Variants in PRKG2 observed in about 807,000 individuals in gnomAD.
PRKG2 encodes the protein cGMP-dependent protein kinase 2.
A neutral mutation model predicts 97.2 loss-of-function variants in PRKG2; 33 were observed. That is an observed-to-expected ratio of 0.34 (90% CI 0.26 to 0.45). The LOEUF (loss-of-function observed/expected upper bound fraction) is 0.45. Ranked by LOEUF, PRKG2 falls within the 20% of genes least tolerant of loss-of-function variation. The pLI is 1.00. For missense variants in PRKG2, 638 were observed against 900.0 expected (o/e 0.71, Z 3.73); for synonymous variants, 330 against 321.8 (o/e 1.03, Z -0.27).
At chr4:81,145,443 C>T (rs552355827) in intron 9 of PRKG2, among the ~76,000 whole-genome samples, 1 of 152,162 alleles carries the variant, frequency 6.6e-6, no homozygotes, top group East Asian at 1.9e-4. Flanking sequence ...ATTTCACATT[C>T]CTTCATAATT....
At chr4:81,192,749 C>T (rs929128255) in intron 2 of PRKG2, among the ~76,000 whole-genome samples, 1 of 151,708 alleles carries the variant, frequency 6.6e-6, no homozygotes, top group Admixed American at 6.6e-5. Context: ...GTTATGAAAA[C>T]CATAGAACAA....
intron 2 of PRKG2, among the ~76,000 whole-genome samples, chr4:81,201,041 G>A (rs78444967): frequency 0.013 from 1,921 of 152,242 alleles, 43 homozygotes; most frequent in African/African-American, 0.044. Context: ...TTTCTGTGGC[G>A]TTGTCCTAAA....
chr4:81,149,199 G>A (rs908846801), intron 8 of PRKG2, among the ~76,000 whole-genome samples: 2 of 152,126 alleles, frequency 1.3e-5, no homozygotes, highest in African/African-American at 4.8e-5. Context: ...AGAAGAATAA[G>A]TGACTACAAA....
chr4:81,160,380 G>A (rs980010392), intron 6 of PRKG2, among the ~76,000 whole-genome samples: 6 of 152,102 alleles, frequency 3.9e-5, no homozygotes, highest in African/African-American at 2.4e-5. Context: ...CTGGAATACT[G>A]AATTTCAGGC....
At chr4:81,212,212 A>G (rs1472997163) in intron 1 of PRKG2, among the ~76,000 whole-genome samples, 2 of 152,134 alleles carry the variant, frequency 1.3e-5, no homozygotes, top group African/African-American at 2.4e-5. Context: ...CTTTCTCTTG[A>G]CAGGAAATCA....
intron 7 of PRKG2, among the ~76,000 whole-genome samples, chr4:81,152,655 C>T (rs1748530051): frequency 6.6e-6 from 1 of 152,144 alleles, no homozygotes; most frequent in Admixed American, 6.5e-5. Context: ...TATTCCAATT[C>T]AACATGGTAA....
Position 81,152,073 on chromosome 4 carries a change from T to C in PRKG2, c.991-19A>G. The C allele has an allele frequency of 6.4e-7, 1 of 1,565,344 alleles. No individual in the cohort carries two copies. Among genetic ancestry groups the C allele is most frequent in the Non-Finnish European group, 8.8e-7 (1 of 1,141,558 alleles). On this transcript the variant is annotated intron_variant, in intron 7 of 18. Transcript: ENST00000264399. ...CTTTTACCTAAACAATGTTAAGCAA[T>C]ACAAACAGAAAGAGACTGAAGAAAA...
intron 1 of PRKG2, among the ~76,000 whole-genome samples, chr4:81,206,407 G>A (rs1753654478): frequency 6.6e-6 from 1 of 152,162 alleles, no homozygotes; most frequent in Admixed American, 6.5e-5. Flanking sequence ...TAGGTCTCAT[G>A]AGATCTGATG....
chr4:81,174,479 G>A (rs943529203), intron 3 of PRKG2, among the ~76,000 whole-genome samples: 7 of 151,944 alleles, frequency 4.6e-5, no homozygotes, highest in Middle Eastern at 6.3e-3. Context: ...CCCTCTCTGA[G>A]ACATAGTCCA....
At chr4:81,130,659 C>T (rs1048410599) in intron 14 of PRKG2, among the ~76,000 whole-genome samples, 8 of 152,186 alleles carry the variant, frequency 5.3e-5, no homozygotes, top group African/African-American at 1.9e-4. Context: ...CTGAGTGGGA[C>T]TGCTGCCTTT....
At position 81,153,879 on chromosome 4, in the gene PRKG2, C is replaced by T. The variant is rs1748679668; in HGVS notation, c.913-158G>A. The T allele has an allele frequency of 5.2e-6, 3 of 580,780 alleles. No individual in the cohort carries two copies. The South Asian group carries it at 5.8e-5, about 11-fold the overall frequency. 36.0% of individuals were successfully genotyped at this position (580,780 alleles called of 1,614,324 possible). ...ACCGGGTTCATCTCACTAGGGAGTG[C>T]CAGACAGTGGGCACAGGTCAGTGGG... On this transcript the variant is annotated intron_variant, in intron 6 of 18. Coordinates refer to ENST00000264399, the MANE Select transcript of PRKG2 (RefSeq NM_006259.3).
rs537710239 is a variant in PRKG2, at chr4:81,208,043, C to A, written c.-13-2983G>T. On this transcript the variant is annotated intron_variant, in intron 1 of 18. Coordinates refer to ENST00000264399, the MANE Select transcript of PRKG2 (RefSeq NM_006259.3). ...TCATTCTTACAGTCAGAGGGCAGCA[C>A]ATGATGCAATAAGAAATGAGTCTGG... Among the ~76,000 whole-genome samples the A allele has an allele frequency of 3.9e-5, 6 of 152,278 alleles. No individual in the cohort carries two copies. In the South Asian group the frequency reaches 1.2e-3, roughly 32 times the overall value.
chr4:81,131,299 C>G (rs922482345), intron 14 of PRKG2, among the ~76,000 whole-genome samples: 1 of 152,018 alleles, frequency 6.6e-6, no homozygotes, highest in Non-Finnish European at 1.5e-5. Flanking sequence ...CTTCAGCTCA[C>G]CCACTGTCTA....
At chr4:81,109,628 AATC>A (rs1026088945) in intron 15 of PRKG2, among the ~76,000 whole-genome samples, 3 of 152,320 alleles carry the variant, frequency 2.0e-5, no homozygotes, top group African/African-American at 7.2e-5. Flanking sequence ...ATCATAAAAT[AATC>A]ATAATAAAAA....
At chr4:81,106,571 G>A (rs1008916288) in intron 15 of PRKG2, among the ~76,000 whole-genome samples, 3 of 152,194 alleles carry the variant, frequency 2.0e-5, no homozygotes, top group African/African-American at 4.8e-5. Context: ...CTATGATGAT[G>A]GTAGTGAGAA....
chr4:81,196,216 C>T (rs761111840), intron 2 of PRKG2, among the ~76,000 whole-genome samples: 3 of 152,136 alleles, frequency 2.0e-5, no homozygotes, highest in Non-Finnish European at 4.4e-5. Context: ...CCAACAATCA[C>T]GTAAGCTGGG....
At chr4:81,100,794 A>G (rs1391461733) in intron 17 of PRKG2, among the ~76,000 whole-genome samples, 1 of 152,196 alleles carries the variant, frequency 6.6e-6, no homozygotes, top group African/African-American at 2.4e-5. Flanking sequence ...ACAGAATGGG[A>G]GAACATTTCT....
At chr4:81,138,567 C>G (rs1358390280) in intron 12 of PRKG2, among the ~76,000 whole-genome samples, 1 of 151,218 alleles carries the variant, frequency 6.6e-6, no homozygotes, top group Non-Finnish European at 1.5e-5. Context: ...GATATATATT[C>G]ATTGAAAAAA....
intron 2 of PRKG2, among the ~76,000 whole-genome samples, chr4:81,194,218 T>C (rs1752793249): frequency 6.6e-6 from 1 of 152,162 alleles, no homozygotes; most frequent in South Asian, 2.1e-4. Flanking sequence ...TATTAGAAAC[T>C]TGACAAAATT....
Sources: gnomAD v4.1 joint callset for allele counts (sites outside exome capture counted in the v4.1 genomes callset) on GRCh38, gnomAD v4.1.1 for gene constraint, MANE v1.5 for transcripts, NCBI Gene and HGNC (gene_info 2026-07-23, HGNC 2026-07-21) for gene names.